Variants in HS6ST3 observed in about 807,000 individuals in gnomAD.
HS6ST3 encodes heparan sulfate 6-O-sulfotransferase 3, also known as heparan-sulfate 6-O-sulfotransferase 3.
Under a neutral mutation model 36.7 loss-of-function variants are expected in HS6ST3, and 12 were observed. That is an observed-to-expected ratio of 0.33 (90% CI 0.21 to 0.53). The LOEUF (loss-of-function observed/expected upper bound fraction) is 0.53. HS6ST3 is among the 20% of genes least tolerant of loss of function. The pLI is 0.95. For missense variants in HS6ST3, 584 were observed against 640.9 expected (o/e 0.91, Z 0.96); for synonymous variants, 240 against 257.5 (o/e 0.93, Z 0.65).
chr13:96,566,542 A>G (rs2056282008), intron 1 of HS6ST3, among the ~76,000 whole-genome samples: 1 of 152,188 alleles, frequency 6.6e-6, no homozygotes. Context: ...AAATGAGTTT[A>G]TTCTTGAACG....
intron 1 of HS6ST3, among the ~76,000 whole-genome samples, chr13:96,187,281 G>A (rs1389937149): frequency 6.6e-6 from 1 of 152,232 alleles, no homozygotes; most frequent in Non-Finnish European, 1.5e-5. Context: ...TACCTTTACA[G>A]CTGAGAATAC....
At chr13:96,094,099 C>A (rs1370528350) in intron 1 of HS6ST3, among the ~76,000 whole-genome samples, 1 of 152,140 alleles carries the variant, frequency 6.6e-6, no homozygotes, top group Non-Finnish European at 1.5e-5. Flanking sequence ...ATTCTGGAGT[C>A]AGATAAATAT....
intron 1 of HS6ST3, among the ~76,000 whole-genome samples, chr13:96,188,801 G>A (rs1055801568): frequency 7.9e-5 from 12 of 151,994 alleles, no homozygotes; most frequent in Non-Finnish European, 1.6e-4. Flanking sequence ...ATTGCATTGG[G>A]GATATTTATT....
intron 1 of HS6ST3, among the ~76,000 whole-genome samples, chr13:96,808,769 C>G (rs1226906388): frequency 1.3e-5 from 2 of 152,022 alleles, no homozygotes; most frequent in African/African-American, 4.8e-5. Context: ...GATGAGGGAG[C>G]CCAGATTGCA....
intron 1 of HS6ST3, among the ~76,000 whole-genome samples, chr13:96,530,982 A>G (rs572459663): frequency 6.6e-6 from 1 of 152,174 alleles, no homozygotes; most frequent in South Asian, 2.1e-4. Flanking sequence ...CATTGATCAC[A>G]CTCTGAGTAG....
chr13:96,473,496 T>C (rs2055849056), intron 1 of HS6ST3, among the ~76,000 whole-genome samples: 1 of 152,204 alleles, frequency 6.6e-6, no homozygotes, highest in African/African-American at 2.4e-5. Context: ...ACACACCTGA[T>C]TGCCTCTGAG....
intron 1 of HS6ST3, among the ~76,000 whole-genome samples, chr13:96,439,805 A>T (rs1290126262): frequency 1.3e-5 from 2 of 152,228 alleles, no homozygotes; most frequent in East Asian, 3.9e-4. Flanking sequence ...CAAAACAAGA[A>T]TAGAAGATTG....
intron 1 of HS6ST3, among the ~76,000 whole-genome samples, chr13:96,711,415 T>C (rs1253968132): frequency 1.3e-5 from 2 of 152,216 alleles, no homozygotes; most frequent in African/African-American, 4.8e-5. Context: ...AGTAATAAAA[T>C]AATAAGAAGG....
intron 1 of HS6ST3, chr13:96,573,834 G>A: frequency 2.4e-6 from 1 of 415,530 alleles, no homozygotes; most frequent in South Asian, 1.9e-5. Flanking sequence ...TCTGGGACCT[G>A]GAAGTGCTCC....
At chr13:96,595,998 A>G (rs542066045) in intron 1 of HS6ST3, among the ~76,000 whole-genome samples, 2 of 152,128 alleles carry the variant, frequency 1.3e-5, no homozygotes, top group South Asian at 4.1e-4. Context: ...GATTACATGG[A>G]TGAATTGTAT....
intron 1 of HS6ST3, among the ~76,000 whole-genome samples, chr13:96,297,428 C>T (rs1317736022): frequency 6.6e-6 from 1 of 152,076 alleles, no homozygotes; most frequent in East Asian, 1.9e-4. Flanking sequence ...TAAACCAAAG[C>T]GGAACTCTTA....
At chr13:96,790,367 T>C (rs1877757253) in intron 1 of HS6ST3, among the ~76,000 whole-genome samples, 2 of 151,544 alleles carry the variant, frequency 1.3e-5, no homozygotes, top group Admixed American at 6.6e-5. Context: ...CAAAAACTTA[T>C]GAAGTCCCAA....
At chr13:96,257,145 C>T (rs917450454) in intron 1 of HS6ST3, among the ~76,000 whole-genome samples, 1 of 152,118 alleles carries the variant, frequency 6.6e-6, no homozygotes, top group Admixed American at 6.6e-5. Flanking sequence ...CTTCACTGTA[C>T]TTAATAGTGC....
At chr13:96,681,081 T>G (rs185761368) in intron 1 of HS6ST3, among the ~76,000 whole-genome samples, 61 of 152,330 alleles carry the variant, frequency 4.0e-4, no homozygotes, top group African/African-American at 1.3e-3. Context: ...CTTTGCCTAG[T>G]TGAAATCGTG....
intron 1 of HS6ST3, among the ~76,000 whole-genome samples, chr13:96,570,665 G>T (rs994449788): frequency 6.6e-6 from 1 of 152,198 alleles, no homozygotes; most frequent in Non-Finnish European, 1.5e-5. Flanking sequence ...ATACCCAATG[G>T]GGGGCAAGAT....
intron 1 of HS6ST3, among the ~76,000 whole-genome samples, chr13:96,395,682 C>T (rs533915804): frequency 8.5e-5 from 13 of 152,276 alleles, no homozygotes; most frequent in Middle Eastern, 3.4e-3. Flanking sequence ...GTGTGGACCC[C>T]TCTCCGCTCC....
chr13:96,155,972 A>G (rs1249869457), intron 1 of HS6ST3, among the ~76,000 whole-genome samples: 1 of 152,154 alleles, frequency 6.6e-6, no homozygotes, highest in Non-Finnish European at 1.5e-5. Flanking sequence ...CCCGCTTGAA[A>G]CATTCTCTCC....
chr13:96,330,816 A>G (rs1301779803), intron 1 of HS6ST3, among the ~76,000 whole-genome samples: 1 of 151,228 alleles, frequency 6.6e-6, no homozygotes, highest in African/African-American at 2.4e-5. Context: ...ACTTTCAGGT[A>G]CACCAATCAG....
intron 1 of HS6ST3, among the ~76,000 whole-genome samples, chr13:96,551,847 A>G (rs531889321): frequency 1.3e-5 from 2 of 152,334 alleles, no homozygotes; most frequent in African/African-American, 2.4e-5. Flanking sequence ...GCTCAGCTCT[A>G]TGCCAGCTCT....
Sources: gnomAD v4.1 joint callset for allele counts (sites outside exome capture counted in the v4.1 genomes callset) on GRCh38, gnomAD v4.1.1 for gene constraint, MANE v1.5 for transcripts, NCBI Gene and HGNC (gene_info 2026-07-23, HGNC 2026-07-21) for gene names.